HSD17B4: variants seen among roughly 807,000 people sequenced by gnomAD.
The protein encoded by HSD17B4 is hydroxysteroid 17-beta dehydrogenase 4.
A neutral mutation model predicts 101.0 loss-of-function variants in HSD17B4; 70 were observed. That is an observed-to-expected ratio of 0.69 (90% CI 0.57 to 0.85). The LOEUF (loss-of-function observed/expected upper bound fraction) is 0.85, where lower values mean the gene tolerates loss of function less well. Ranked by LOEUF, HSD17B4 falls within the 40% of genes least tolerant of loss-of-function variation. The pLI, the probability that HSD17B4 is intolerant of heterozygous loss-of-function variation, is 0.00. For synonymous variants in HSD17B4, 347 were observed against 297.1 expected, an observed-to-expected ratio of 1.17 and a Z score of -1.73; for missense variants, 984 against 892.4, an observed-to-expected ratio of 1.10 and a Z score of -1.31.
At chr5:119,457,049 T>C (rs560664934) in intron 2 of HSD17B4, among the ~76,000 whole-genome samples, 2 of 152,168 alleles carry the variant, frequency 1.3e-5, no homozygotes, top group South Asian at 4.2e-4. Context: ...TGTGGAGGGG[T>C]CAGATGGAAG....
chr5:119,458,119 G>C (rs1754853142), intron 2 of HSD17B4, among the ~76,000 whole-genome samples: 1 of 152,118 alleles, frequency 6.6e-6, no homozygotes, highest in South Asian at 2.1e-4. Flanking sequence ...GATGATAATT[G>C]TGTCAAGTCC....
intron 6 of HSD17B4, 126 bp from the exon 7 acceptor site, chr5:119,477,291 A>T: frequency 1.4e-6 from 1 of 694,614 alleles, no homozygotes; most frequent in South Asian, 1.7e-5. Context: ...GGGGTGTGAC[A>T]GTAGGCAATT....
chr5:119,469,516 G>T (rs183337272), intron 2 of HSD17B4, among the ~76,000 whole-genome samples: 70 of 152,088 alleles, frequency 4.6e-4, no homozygotes, highest in African/African-American at 1.6e-3. Flanking sequence ...ACCACGCCTG[G>T]CTAATTTTTG....
chr5:119,503,841 G>C (rs1348296885), intron 14 of HSD17B4, among the ~76,000 whole-genome samples: 1 of 151,782 alleles, frequency 6.6e-6, no homozygotes, highest in Non-Finnish European at 1.5e-5. Flanking sequence ...TTATTACGTG[G>C]GTGTATTGTG....
intron 8 of HSD17B4, among the ~76,000 whole-genome samples, chr5:119,486,302 T>C (rs1400513414): frequency 2.6e-5 from 4 of 152,302 alleles, no homozygotes; most frequent in Admixed American, 2.0e-4. Context: ...CAAAAAGGGA[T>C]AAATTAAAGG....
At chr5:119,511,184 TA>T (rs971693762) in intron 16 of HSD17B4, among the ~76,000 whole-genome samples, 12 of 152,332 alleles carry the variant, frequency 7.9e-5, no homozygotes, top group African/African-American at 2.9e-4. Flanking sequence ...AAGGCTGTAA[TA>T]ACACAAAGTT....
intron 22 of HSD17B4, among the ~76,000 whole-genome samples, chr5:119,534,300 T>C (rs1434705496): frequency 6.6e-6 from 1 of 152,218 alleles, no homozygotes; most frequent in East Asian, 1.9e-4. Context: ...GAGCCGAGTT[T>C]TAAAAGGCAC....
intron 2 of HSD17B4, chr5:119,471,629 G>T: frequency 7.7e-7 from 1 of 1,290,548 alleles, no homozygotes; most frequent in South Asian, 1.7e-5. Context: ...CTTTTTTATT[G>T]TTACAGCTTT....
intron 9 of HSD17B4, among the ~76,000 whole-genome samples, chr5:119,490,184 C>T (rs1749975072): frequency 6.6e-6 from 1 of 152,118 alleles, no homozygotes; most frequent in Admixed American, 6.6e-5. Flanking sequence ...TTGCATATCT[C>T]TGAGCAGATA....
chr5:119,482,870 T>C (rs1345816213), intron 8 of HSD17B4, among the ~76,000 whole-genome samples: 2 of 151,964 alleles, frequency 1.3e-5, no homozygotes, highest in Non-Finnish European at 2.9e-5. Context: ...GAGTCCTGGG[T>C]TGGGACCTTC....
chr5:119,489,237 T>C lies in HSD17B4; in HGVS notation c.668T>C (p.Leu223Pro), dbSNP rs1749880579. Residue 223 changes from leucine (L) to proline (P), a missense_variant, in exon 9 of 24, where the codon CTT becomes CCT. Transcript: ENST00000510025. The stretch of plus-strand genomic sequence containing the variant: ...CCAGAGTATGTGGCACCTCTTGTCC[T>C]TTGGCTTTGTCACGAGAGTTGTGAG... Reference protein sequence around the residue: ...LKPEYVAPLVLWLCHESCEEN... With the variant: ...LKPEYVAPLVPWLCHESCEEN... 3.1e-6 allele frequency: 5 copies of C among 1,612,810 alleles called. No homozygotes were observed. Among genetic ancestry groups the C allele is most frequent in the Non-Finnish European group, 2.5e-6 (3 of 1,179,052 alleles).
intron 8 of HSD17B4, among the ~76,000 whole-genome samples, chr5:119,481,774 A>G (rs1337864923): frequency 2.0e-5 from 3 of 152,216 alleles, no homozygotes; most frequent in Non-Finnish European, 2.9e-5. Context: ...GAAAAACGCA[A>G]TATTTGCATA....
At chr5:119,498,036 C>T (rs1027692145) in intron 12 of HSD17B4, among the ~76,000 whole-genome samples, 6 of 152,108 alleles carry the variant, frequency 3.9e-5, no homozygotes, top group African/African-American at 1.4e-4. Flanking sequence ...CCCATTGAGT[C>T]AGAAATTCGA....
At chr5:119,528,241 T>C (rs914040558) in intron 20 of HSD17B4, among the ~76,000 whole-genome samples, 4 of 152,168 alleles carry the variant, frequency 2.6e-5, no homozygotes, top group Non-Finnish European at 5.9e-5. Flanking sequence ...AGAAACCCGA[T>C]CAGCATGGCT....
At chr5:119,532,696 G>A (rs552654299) in intron 22 of HSD17B4, among the ~76,000 whole-genome samples, 22 of 152,030 alleles carry the variant, frequency 1.4e-4, no homozygotes, top group Admixed American at 1.2e-3. Flanking sequence ...CTATTTTATT[G>A]TTCTAAGCAA....
intron 18 of HSD17B4, 162 bp from the exon 19 acceptor site, chr5:119,525,755 C>A: frequency 1.7e-6 from 1 of 571,706 alleles, no homozygotes; most frequent in Non-Finnish European, 3.1e-6. Context: ...AATTTCCTCC[C>A]AGGAAATACT....
chr5:119,454,748 A>G (rs561860742), intron 1 of HSD17B4, among the ~76,000 whole-genome samples: 5 of 151,970 alleles, frequency 3.3e-5, no homozygotes, highest in Admixed American at 1.3e-4. Flanking sequence ...CAGCCTCCCA[A>G]GTAGCTGGGG....
intron 1 of HSD17B4, among the ~76,000 whole-genome samples, chr5:119,454,179 A>G (rs1464818450): frequency 2.6e-5 from 4 of 152,244 alleles, no homozygotes; most frequent in Admixed American, 2.6e-4. Context: ...TGTTTTATTT[A>G]TAAATTGTAA....
rs142519904 is a variant in HSD17B4 at position 119,536,480 on chromosome 5, C to G, written c.2051C>G (p.Ala684Gly). The change falls in exon 23 of 24, where the codon GCT becomes GGT. Residue 684 changes from alanine (A) to glycine (G), a missense_variant. Transcript: ENST00000510025. ...TACCAAGGCCCTGCAAAAGGTGCTG[C>G]TGATACAACAATCATACTTTCAGAT... Reference protein sequence around the residue: ...KVYQGPAKGAADTTIILSDED... With the variant: ...KVYQGPAKGAGDTTIILSDED... 2.5e-6 allele frequency: 4 copies of G among 1,611,968 alleles called. No individual in the cohort carries two copies. The African/African-American group carries it at 5.3e-5, about 22-fold the overall frequency.
Sources: allele counts gnomAD v4.1 joint callset (sites outside exome capture counted in the v4.1 genomes callset), GRCh38; gene constraint gnomAD v4.1.1; transcripts MANE v1.5; gene names NCBI Gene and HGNC (gene_info 2026-07-23, HGNC 2026-07-21).